The following SERPINA5 variants were observed in gnomAD, a reference collection of about 807,000 sequenced individuals.
SERPINA5 encodes serpin family A member 5, also known as plasma serine protease inhibitor.
SERPINA5 carries 25 observed loss-of-function variants against 25.3 expected under a neutral mutation model. That is an observed-to-expected ratio of 0.99 (90% CI 0.72 to 1.38). SERPINA5 has a LOEUF of 1.38. Ranked by LOEUF, SERPINA5 falls within the 40% of genes most tolerant of loss-of-function variation. The pLI, the probability that SERPINA5 is intolerant of heterozygous loss-of-function variation, is 0.00. For synonymous variants in SERPINA5, 234 were observed against 206.2 expected (o/e 1.14, Z -1.16); for missense variants, 599 against 509.5 (o/e 1.18, Z -1.69).
chr14:94,587,298 C>T, intron 2 of SERPINA5, 48 bp from the exon 3 acceptor site: 1 of 1,507,114 alleles, frequency 6.6e-7, no homozygotes, highest in Non-Finnish European at 8.8e-7. Flanking sequence ...AAAGTCAGCA[C>T]CTGGACCAGC....
chr14:94,587,416 C>T lies in SERPINA5; in HGVS notation c.54C>T (p.Ser18=), dbSNP rs1316171651. 5 of 1,613,826 alleles carry T rather than the reference C, an allele frequency of 3.1e-6. No homozygotes were observed. The South Asian group carries it at 4.4e-5, about 14-fold the overall frequency. Residue 18 remains serine, a synonymous_variant, in exon 3 of 6, where the codon TCC becomes TCT. Coordinates refer to ENST00000329597, the MANE Select transcript of SERPINA5 (RefSeq NM_000624.6). ...TGCTTCTCAGCCCTCAGGGGGCCTC[C>T]CTTCACCGCCACCACCCCCGGGAGA... is the stretch of plus-strand genomic sequence containing the variant. ...CLVLLSPQGA[S]LHRHHPREMK...
rs201469061 is a variant in SERPINA5, at chr14:94,590,164, G to A, written c.743G>A (p.Arg248Gln). ...GATCAGTATCACTACCTCCTGGACC[G>A]GAACCTCTCCTGCAGGGTGGTGGGG... ...REDQYHYLLD[R>Q]NLSCRVVGVP... Residue 248 changes from arginine (R) to glutamine (Q), a missense_variant, in exon 4 of 6, where the codon CGG becomes CAG. Coordinates refer to ENST00000329597, the MANE Select transcript of SERPINA5 (RefSeq NM_000624.6). 181 of 1,613,994 alleles carry A rather than the reference G, an allele frequency of 1.1e-4. No homozygotes were observed. The highest frequency in any genetic ancestry group is 1.5e-4 in the Admixed American group (9 of 59,990).
At chr14:94,588,010 T>C in intron 3 of SERPINA5, 29 bp downstream of exon 3, 2 of 1,588,262 alleles carry the variant, frequency 1.3e-6, no homozygotes, top group Non-Finnish European at 1.7e-6. Flanking sequence ...AACCTGCACT[T>C]TCTTTGGCTT....
In SERPINA5 at chr14:94,590,788, C is replaced by T; in HGVS notation, c.930C>T (p.Gly310=). 6.2e-7 allele frequency: 1 copy of T among 1,614,068 alleles called. No homozygotes were observed. The highest frequency in any genetic ancestry group is 8.5e-7 in the Non-Finnish European group (1 of 1,179,946). ...ELYLPKFSIE[G]SYQLEKVLPS... ...ACCTTCCCAAATTCTCCATTGAGGG[C>T]TCCTATCAGCTGGAGAAAGTCCTCC... Residue 310 remains glycine, a synonymous_variant, in exon 5 of 6, where the codon GGC becomes GGT. Transcript: ENST00000329597.
Position 94,587,401 on chromosome 14 carries a change from C to A in SERPINA5, c.39C>A (p.Ser13Arg), listed in dbSNP as rs2139926803. ...TCCTCTTGTGCCTGGTGCTTCTCAG[C>A]CCTCAGGGGGCCTCCCTTCACCGCC... ...LFLLLCLVLL[S>R]PQGASLHRHH... The change falls in exon 3 of 6, where the codon AGC (serine) becomes AGA (arginine). Residue 13 changes from serine (S) to arginine (R), a missense_variant. Coordinates refer to ENST00000329597, the MANE Select transcript of SERPINA5 (RefSeq NM_000624.6). 6.2e-7 allele frequency: 1 copy of A among 1,612,994 alleles called. No homozygotes were observed. Among genetic ancestry groups the A allele is most frequent in the Admixed American group, 1.7e-5 (1 of 59,852 alleles).
At position 94,587,392 on chromosome 14, in the gene SERPINA5, G is replaced by T. The variant is rs749276841; in HGVS notation, c.30G>T (p.Val10=). 1.9e-6 allele frequency: 3 copies of T among 1,612,014 alleles called. No homozygotes were observed. In the South Asian group the frequency reaches 3.3e-5, roughly 18 times the overall value. MQLFLLLCL[V]LLSPQGASLH... is the part of the protein sequence containing the mutation. ...AGCTCTTCCTCCTCTTGTGCCTGGT[G>T]CTTCTCAGCCCTCAGGGGGCCTCCC... The change falls in exon 3 of 6, where the codon GTG becomes GTT. Residue 10 remains valine, a synonymous_variant. Coordinates refer to ENST00000329597, the MANE Select transcript of SERPINA5 (RefSeq NM_000624.6).
chr14:94,587,325 G>T lies in SERPINA5; in HGVS notation c.-17-21G>T. On this transcript the variant is annotated intron_variant, in intron 2 of 5. Transcript: ENST00000329597. ...TGGACCAGCTCCACCCCTCTCTGAG[G>T]ACACCTTCTTTCCCTTTCAGAACAA... The T allele has an allele frequency of 4.5e-6, 7 of 1,555,010 alleles. No homozygotes were observed. In the South Asian group the frequency reaches 5.0e-5, roughly 11 times the overall value.
chr14:94,588,064 A>G (rs1885157770), intron 3 of SERPINA5, 83 bp downstream of exon 3: 15 of 1,507,524 alleles, frequency 1.0e-5, no homozygotes, highest in East Asian at 2.3e-5. Context: ...CCTCACATAC[A>G]TAAAAGACGG....
chr14:94,591,549 GTTCTA>G (rs59712526), intron 5 of SERPINA5, among the ~76,000 whole-genome samples: 3,111 of 108,254 alleles, frequency 0.029, 80 homozygotes, highest in East Asian at 0.054. Context: ...ATTCTGTTCT[GTTCTA>G]TTCTATTCTA....
rs767649496 is a variant in SERPINA5 at position 94,592,241 on chromosome 14, G to A, written c.*2G>A. The stretch of plus-strand genomic sequence containing the variant: ...CTTGGCAAAGTGAACCGCCCCTGAG[G>A]TGGGGCTTCTCCTGAAATCTACAGG... On this transcript the variant is annotated 3_prime_UTR_variant, in exon 6 of 6. Transcript: ENST00000329597. 12 of 1,610,286 alleles carry A rather than the reference G, an allele frequency of 7.5e-6. No individual in the cohort carries two copies. In the Admixed American group the frequency reaches 1.7e-4, roughly 22 times the overall value.
At position 94,593,090 on chromosome 14, in the gene SERPINA5, A is replaced by T. The variant is rs1235730240; in HGVS notation, c.*851A>T. 1 of 152,024 alleles carries T rather than the reference A, an allele frequency of 6.6e-6. No individual in the cohort carries two copies. The highest frequency in any genetic ancestry group is 2.4e-5 in the African/African-American group (1 of 41,468). 9.4% of individuals were successfully genotyped at this position (152,024 alleles called of 1,614,324 possible). ...CTAACTTTTTGAATTCTATGTTGGC[A>T]TTAACAATAAAGCATTTTGCAAACA... is the stretch of plus-strand genomic sequence containing the variant. On this transcript the variant is annotated 3_prime_UTR_variant, in exon 6 of 6. Coordinates refer to ENST00000329597, the MANE Select transcript of SERPINA5 (RefSeq NM_000624.6).
intron 2 of SERPINA5, among the ~76,000 whole-genome samples, chr14:94,584,199 G>A (rs765489115): frequency 5.3e-5 from 8 of 152,236 alleles, no homozygotes; most frequent in East Asian, 3.9e-4. Flanking sequence ...TTTTAATTCC[G>A]GTTCCATCAC....
intron 3 of SERPINA5, 25 bp downstream of exon 3, chr14:94,588,006 C>A (rs778341603): frequency 6.3e-7 from 1 of 1,594,520 alleles, no homozygotes; most frequent in Admixed American, 1.7e-5. Flanking sequence ...CCCAAACCTG[C>A]ACTTTCTTTG....
At chr14:94,581,968 G>A (rs979455639) in intron 2 of SERPINA5, 1 of 152,352 alleles carries the variant, frequency 6.6e-6, no homozygotes, top group South Asian at 2.1e-4. Context: ...AGGCCATGGG[G>A]ACAAAATGTC....
chr14:94,589,941 C>A, intron 3 of SERPINA5, 100 bp from the exon 4 acceptor site: 1 of 1,215,010 alleles, frequency 8.2e-7, no homozygotes, highest in Non-Finnish European at 1.1e-6. Flanking sequence ...AGATGGTCTC[C>A]GCTGGCTATC....
At chr14:94,590,689 G>C in intron 4 of SERPINA5, 60 bp from the exon 5 acceptor site, 2 of 1,553,740 alleles carry the variant, frequency 1.3e-6, no homozygotes, top group Non-Finnish European at 1.7e-6. Flanking sequence ...AATCCAAGGG[G>C]TGAGGCTCAG....
intron 5 of SERPINA5, 137 bp from the exon 6 acceptor site, chr14:94,591,920 T>C: frequency 1.1e-6 from 1 of 948,404 alleles, no homozygotes; most frequent in Non-Finnish European, 1.6e-6. Flanking sequence ...TGCTCCATTG[T>C]TCCATTTCCT....
chr14:94,585,841 G>C (rs1246458551), intron 2 of SERPINA5, among the ~76,000 whole-genome samples: 4 of 151,708 alleles, frequency 2.6e-5, no homozygotes, highest in African/African-American at 9.7e-5. Context: ...AGAATATGGA[G>C]GCCTCAGATG....
rs369610769 is a variant in SERPINA5, at chr14:94,587,351, A to G, written c.-12A>G. The G allele has an allele frequency of 9.8e-5, 155 of 1,588,144 alleles. No individual in the cohort carries two copies. The highest frequency in any genetic ancestry group is 1.2e-4 in the Non-Finnish European group (143 of 1,169,764). On this transcript the variant is annotated 5_prime_UTR_variant, in exon 3 of 6. Transcript: ENST00000329597. The stretch of plus-strand genomic sequence containing the variant: ...ACACCTTCTTTCCCTTTCAGAACAA[A>G]GAACAGCCACCATGCAGCTCTTCCT...
Sources: gnomAD v4.1 joint callset for allele counts (sites outside exome capture counted in the v4.1 genomes callset) on GRCh38, gnomAD v4.1.1 for gene constraint, MANE v1.5 for transcripts, NCBI Gene and HGNC (gene_info 2026-07-23, HGNC 2026-07-21) for gene names.